DESI2: variants seen among roughly 807,000 people sequenced by gnomAD.
DESI2 encodes the protein desumoylating isopeptidase 2, also known as deubiquitinase DESI2.
In DESI2, 10 loss-of-function variants were observed where a neutral mutation model predicts 24.1. The ratio of observed to expected loss-of-function variants is 0.41; its 90% CI spans 0.26 to 0.70. The LOEUF (loss-of-function observed/expected upper bound fraction) is 0.70, where lower values mean the gene tolerates loss of function less well. DESI2 is among the 30% of genes least tolerant of loss of function. The pLI is 0.29. For missense variants in DESI2, 122 were observed against 234.9 expected (o/e 0.52, Z 3.14); for synonymous variants, 71 against 87.7 (o/e 0.81, Z 1.06).
At chr1:244,697,362 T>C (rs1397449302) in intron 4 of DESI2, among the ~76,000 whole-genome samples, 1 of 151,530 alleles carries the variant, frequency 6.6e-6, no homozygotes, top group South Asian at 2.1e-4. Flanking sequence ...TGTAAAAAAT[T>C]AGCCTGGTGT....
At chr1:244,662,324 A>T (rs1294198146) in intron 1 of DESI2, among the ~76,000 whole-genome samples, 3 of 152,168 alleles carry the variant, frequency 2.0e-5, no homozygotes, top group African/African-American at 7.2e-5. Context: ...TTTGGCTGTT[A>T]TGAATAATGG....
chr1:244,707,377 T>G lies in DESI2; in HGVS notation c.*1588T>G, dbSNP rs1373487637. On this transcript the variant is annotated 3_prime_UTR_variant, in exon 5 of 5. Transcript: ENST00000302550. ...TTAGCCTGAGGACAATGAAGCCACTTAACCTAATTTATGCTTTCGACTGTT... is the reference window on the plus strand; with the variant it reads ...TTAGCCTGAGGACAATGAAGCCACTGAACCTAATTTATGCTTTCGACTGTT... 2 of 152,676 alleles carry G rather than the reference T, an allele frequency of 1.3e-5. No individual in the cohort carries two copies. The highest frequency in any genetic ancestry group is 4.8e-5 in the African/African-American group (2 of 41,464). The allele number at this position is 152,676 out of a possible 1,614,324, so 9.5% of individuals were successfully genotyped here. A position where few individuals can be genotyped will look rare whatever the true frequency, so the allele number is the denominator to read the frequency against.
intron 1 of DESI2, among the ~76,000 whole-genome samples, chr1:244,657,319 T>A (rs1311364040): frequency 6.6e-6 from 1 of 152,178 alleles, no homozygotes; most frequent in African/African-American, 2.4e-5. Context: ...ACATCCCACC[T>A]AAATGGTTCC....
intron 4 of DESI2, among the ~76,000 whole-genome samples, chr1:244,700,073 G>T (rs907256268): frequency 2.0e-5 from 3 of 152,174 alleles, no homozygotes; most frequent in African/African-American, 7.2e-5. Context: ...AAGTTTTCAG[G>T]CTGGAGTGGA....
chr1:244,688,790 A>C (rs562943196), intron 2 of DESI2, among the ~76,000 whole-genome samples: 37 of 152,304 alleles, frequency 2.4e-4, no homozygotes, highest in Non-Finnish European at 4.6e-4. Context: ...GTAATGTTCC[A>C]CCCTACTCAA....
At chr1:244,673,847 G>A (rs537630080) in intron 1 of DESI2, among the ~76,000 whole-genome samples, 1 of 152,276 alleles carries the variant, frequency 6.6e-6, no homozygotes, top group African/African-American at 2.4e-5. Flanking sequence ...AAGGAGCAAA[G>A]TATGTTCTGT....
At chr1:244,653,824 G>T in intron 1 of DESI2, 1 of 418,644 alleles carries the variant, frequency 2.4e-6, no homozygotes, top group East Asian at 7.4e-5. Context: ...GCCCCTCTAA[G>T]TCCAGAAGGT....
At chr1:244,700,560 CTT>C (rs377458216) in intron 4 of DESI2, among the ~76,000 whole-genome samples, 1,585 of 152,184 alleles carry the variant, frequency 0.01, 29 homozygotes, top group African/African-American at 0.036. Context: ...TATTTAGAAA[CTT>C]TTATCTGGGC....
intron 1 of DESI2, chr1:244,653,868 C>G (rs767425853): frequency 8.6e-6 from 4 of 464,486 alleles, no homozygotes; most frequent in African/African-American, 8.0e-5. Flanking sequence ...AGAATCTCTT[C>G]AAAGGTGAAC....
intron 1 of DESI2, among the ~76,000 whole-genome samples, chr1:244,664,020 GAAAA>G (rs34195856): frequency 6.7e-5 from 6 of 89,374 alleles, no homozygotes; most frequent in African/African-American, 2.7e-4. Context: ...TCCGTCTCAG[GAAAA>G]AAAAAAAAAA....
chr1:244,705,069 C>A (rs967104590), intron 4 of DESI2, among the ~76,000 whole-genome samples: 1 of 151,896 alleles, frequency 6.6e-6, no homozygotes, highest in African/African-American at 2.4e-5. Flanking sequence ...AAAATGTAGA[C>A]CAGGAGAAAT....
intron 1 of DESI2, among the ~76,000 whole-genome samples, chr1:244,672,982 C>T (rs1408536243): frequency 2.6e-5 from 4 of 152,040 alleles, no homozygotes; most frequent in African/African-American, 4.8e-5. Context: ...GAAATCATTC[C>T]GTAAAAGGCT....
intron 1 of DESI2, among the ~76,000 whole-genome samples, chr1:244,659,367 T>C (rs1675759540): frequency 6.6e-6 from 1 of 152,218 alleles, no homozygotes; most frequent in African/African-American, 2.4e-5. Context: ...GTTAGCCCAG[T>C]TCCTCTGCTA....
intron 1 of DESI2, among the ~76,000 whole-genome samples, chr1:244,679,603 G>T (rs1676532731): frequency 6.6e-6 from 1 of 152,154 alleles, no homozygotes; most frequent in Non-Finnish European, 1.5e-5. Context: ...TGGCGTGTTG[G>T]CTCACGCCTG....
intron 1 of DESI2, among the ~76,000 whole-genome samples, chr1:244,655,774 G>C (rs932812241): frequency 6.6e-6 from 1 of 152,218 alleles, no homozygotes; most frequent in African/African-American, 2.4e-5. Context: ...TAGGGAAAGC[G>C]CAGGTGGGAT....
In DESI2 at chr1:244,708,000, A is replaced by G. The variant is rs1158552206; in HGVS notation, c.*2211A>G. The G allele has an allele frequency of 1.3e-5, 2 of 152,224 alleles. No individual in the cohort carries two copies. The highest frequency in any genetic ancestry group is 2.9e-5 in the Non-Finnish European group (2 of 68,038). 9.4% of individuals were successfully genotyped at this position (152,224 alleles called of 1,614,324 possible). A position where few individuals can be genotyped will look rare whatever the true frequency, so the allele number is the denominator to read the frequency against. On this transcript the variant is annotated 3_prime_UTR_variant, in exon 5 of 5. Coordinates refer to ENST00000302550, the MANE Select transcript of DESI2 (RefSeq NM_016076.5). ...TATAATCTAATTATACCTGAGGTTG[A>G]GCAAGAAATGTCTTCCTTTAGAAAA...
chr1:244,672,183 T>C (rs1676270226), intron 1 of DESI2, among the ~76,000 whole-genome samples: 2 of 152,024 alleles, frequency 1.3e-5, no homozygotes, highest in South Asian at 2.1e-4. Flanking sequence ...AAAAGAAATG[T>C]TGGAGGTGGA....
At chr1:244,655,325 C>T (rs1252704372) in intron 1 of DESI2, among the ~76,000 whole-genome samples, 1 of 152,198 alleles carries the variant, frequency 6.6e-6, no homozygotes, top group Non-Finnish European at 1.5e-5. Flanking sequence ...CTACTAATTC[C>T]TGCACTTATG....
At chr1:244,697,464 G>A (rs1300862115) in intron 4 of DESI2, among the ~76,000 whole-genome samples, 2 of 138,812 alleles carry the variant, frequency 1.4e-5, no homozygotes, top group Non-Finnish European at 3.1e-5. Context: ...GTGACAGAGG[G>A]AGCCTCTGTC....
Sources: gnomAD v4.1 joint callset for allele counts (sites outside exome capture counted in the v4.1 genomes callset) on GRCh38, gnomAD v4.1.1 for gene constraint, MANE v1.5 for transcripts, NCBI Gene and HGNC (gene_info 2026-07-23, HGNC 2026-07-21) for gene names.